The following MACROD2 variants were observed in gnomAD, a reference collection of about 807,000 sequenced individuals.
MACROD2 encodes mono-ADP ribosylhydrolase 2, also known as ADP-ribose glycohydrolase MACROD2.
A neutral mutation model predicts 70.4 loss-of-function variants in MACROD2; 36 were observed. That is an observed-to-expected ratio of 0.51 (90% CI 0.39 to 0.68). The LOEUF (loss-of-function observed/expected upper bound fraction) is 0.68. Among genes scored for constraint, MACROD2 ranks in the 30% least tolerant of loss-of-function variants. The pLI is 0.00. For synonymous variants in MACROD2, 172 were observed against 178.8 expected (o/e 0.96, Z 0.30); for missense variants, 496 against 538.4 (o/e 0.92, Z 0.78).
intron 6 of MACROD2, among the ~76,000 whole-genome samples, chr20:15,362,008 CTTT>C (rs34029805): frequency 1.4e-5 from 2 of 142,486 alleles, no homozygotes; most frequent in East Asian, 4.1e-4. Flanking sequence ...TTATTTCTTC[CTTT>C]TTTTTTTTTT....
At chr20:15,538,574 A>C (rs1050262356) in intron 8 of MACROD2, among the ~76,000 whole-genome samples, 1 of 152,222 alleles carries the variant, frequency 6.6e-6, no homozygotes, top group African/African-American at 2.4e-5. Context: ...ATGAAGCATC[A>C]TTGTTCAGTG....
chr20:15,423,994 T>G (rs77017708), intron 6 of MACROD2, among the ~76,000 whole-genome samples: 1 of 152,092 alleles, frequency 6.6e-6, no homozygotes, highest in African/African-American at 2.4e-5. Context: ...AACTTATCCT[T>G]GTATTCTCAC....
intron 8 of MACROD2, among the ~76,000 whole-genome samples, chr20:15,563,125 A>G (rs2048266830): frequency 6.6e-6 from 1 of 152,210 alleles, no homozygotes; most frequent in East Asian, 1.9e-4. Flanking sequence ...ATGAGGATGC[A>G]GTGTTGATGC....
chr20:14,834,527 C>A (rs2073007778), intron 5 of MACROD2, among the ~76,000 whole-genome samples: 1 of 151,720 alleles, frequency 6.6e-6, no homozygotes, highest in African/African-American at 2.4e-5. Context: ...TCGAAGGGAC[C>A]CATTAAGTGT....
At chr20:14,161,600 G>A (rs1002925481) in intron 3 of MACROD2, among the ~76,000 whole-genome samples, 15 of 140,752 alleles carry the variant, frequency 1.1e-4, no homozygotes, top group Non-Finnish European at 2.1e-4. Flanking sequence ...TTCTTGAGAC[G>A]ATGTCTCACT....
chr20:15,293,694 G>T (rs1189999106), intron 6 of MACROD2, among the ~76,000 whole-genome samples: 1 of 152,208 alleles, frequency 6.6e-6, no homozygotes, highest in South Asian at 2.1e-4. Context: ...CACCTTGTAG[G>T]CCCCAGGGAA....
chr20:15,955,248 C>T (rs574254830), intron 12 of MACROD2, among the ~76,000 whole-genome samples: 1 of 152,244 alleles, frequency 6.6e-6, no homozygotes, highest in South Asian at 2.1e-4. Flanking sequence ...ATGATGGATC[C>T]ATGACCCACT....
At chr20:14,784,280 A>ATTCC (rs2072336962) in intron 5 of MACROD2, among the ~76,000 whole-genome samples, 1 of 151,964 alleles carries the variant, frequency 6.6e-6, no homozygotes, top group African/African-American at 2.4e-5. Context: ...GCCTGTTAAT[A>ATTCC]CCCCAAGAGT....
chr20:15,238,026 G>A (rs2077029416), intron 6 of MACROD2, among the ~76,000 whole-genome samples: 2 of 152,174 alleles, frequency 1.3e-5, no homozygotes, highest in South Asian at 4.1e-4. Context: ...GCAGATGAGT[G>A]TTAATATTGA....
intron 3 of MACROD2, among the ~76,000 whole-genome samples, chr20:14,169,312 G>T (rs1040313625): frequency 6.6e-5 from 10 of 151,664 alleles, no homozygotes; most frequent in South Asian, 2.1e-4. Context: ...TTTTTTTTGG[G>T]GGGGGGCGGT....
At chr20:15,707,946 AG>A (rs1165794836) in intron 8 of MACROD2, among the ~76,000 whole-genome samples, 1 of 151,838 alleles carries the variant, frequency 6.6e-6, no homozygotes, top group Non-Finnish European at 1.5e-5. Context: ...CTTCTCTTAA[AG>A]GCAGTGATGC....
At chr20:15,822,226 C>A (rs1381095467) in intron 8 of MACROD2, among the ~76,000 whole-genome samples, 1 of 152,084 alleles carries the variant, frequency 6.6e-6, no homozygotes, top group Non-Finnish European at 1.5e-5. Context: ...CAGCTTGAAT[C>A]CTGGGATCTA....
intron 5 of MACROD2, among the ~76,000 whole-genome samples, chr20:14,854,888 C>T (rs979658350): frequency 6.6e-6 from 1 of 151,946 alleles, no homozygotes; most frequent in Non-Finnish European, 1.5e-5. Flanking sequence ...TGGTGGTGGA[C>T]GCCTGTAGTC....
intron 8 of MACROD2, among the ~76,000 whole-genome samples, chr20:15,664,559 ACCTAG>A (rs2049871072): frequency 6.6e-6 from 1 of 152,080 alleles, no homozygotes; most frequent in Non-Finnish European, 1.5e-5. Flanking sequence ...GGGTTGGCTG[ACCTAG>A]TCTGGCCTTG....
At chr20:14,954,609 T>A (rs1170474396) in intron 5 of MACROD2, among the ~76,000 whole-genome samples, 1 of 129,540 alleles carries the variant, frequency 7.7e-6, no homozygotes, top group Non-Finnish European at 1.6e-5. Context: ...ATTATATAGT[T>A]ATTATATATA....
chr20:15,721,402 T>C (rs1282634434), intron 8 of MACROD2, among the ~76,000 whole-genome samples: 1 of 152,172 alleles, frequency 6.6e-6, no homozygotes, highest in Non-Finnish European at 1.5e-5. Context: ...CTTCCCAAAT[T>C]TCTGTGCACT....
chr20:14,307,415 GGATGT>G (rs2082530232), intron 3 of MACROD2, among the ~76,000 whole-genome samples: 1 of 152,010 alleles, frequency 6.6e-6, no homozygotes, highest in Non-Finnish European at 1.5e-5. Context: ...CTACATTGGA[GGATGT>G]TATGGACTTC....
chr20:15,877,777 G>A (rs1362109533), intron 9 of MACROD2, among the ~76,000 whole-genome samples: 3 of 152,120 alleles, frequency 2.0e-5, no homozygotes, highest in Non-Finnish European at 4.4e-5. Context: ...TTAAAAAGAT[G>A]AGGAGTGCAC....
At chr20:14,862,868 A>G (rs1237446551) in intron 5 of MACROD2, among the ~76,000 whole-genome samples, 1 of 149,202 alleles carries the variant, frequency 6.7e-6, no homozygotes, top group Admixed American at 6.9e-5. Flanking sequence ...TACTGTAGTG[A>G]GGGATTTTGA....
Sources: gnomAD v4.1 joint callset for allele counts (sites outside exome capture counted in the v4.1 genomes callset) on GRCh38, gnomAD v4.1.1 for gene constraint, MANE v1.5 for transcripts, NCBI Gene and HGNC (gene_info 2026-07-23, HGNC 2026-07-21) for gene names.